ZSWIM6: variants seen among roughly 807,000 people sequenced by gnomAD.
ZSWIM6 encodes zinc finger SWIM domain-containing protein 6.
Under a neutral mutation model 113.2 loss-of-function variants are expected in ZSWIM6, and 9 were observed. The ratio of observed to expected loss-of-function variants is 0.08; its 90% CI spans 0.05 to 0.14. The LOEUF (loss-of-function observed/expected upper bound fraction) is 0.14, where lower values mean the gene tolerates loss of function less well. ZSWIM6 is among the 10% of genes least tolerant of loss of function. The pLI, the probability that ZSWIM6 is intolerant of heterozygous loss-of-function variation, is 1.00. For missense variants in ZSWIM6, 1,162 were observed against 1,552.2 expected (o/e 0.75, Z 4.22); for synonymous variants, 611 against 606.5 (o/e 1.01, Z -0.11).
intron 1 of ZSWIM6, among the ~76,000 whole-genome samples, chr5:61,371,141 AT>A (rs1216493860): frequency 1.3e-5 from 2 of 151,742 alleles, no homozygotes; most frequent in Non-Finnish European, 2.9e-5. Context: ...TCTTTCTATT[AT>A]TTTTTTTCTA....
chr5:61,476,815 C>T (rs1244003656), intron 2 of ZSWIM6, among the ~76,000 whole-genome samples: 1 of 152,104 alleles, frequency 6.6e-6, no homozygotes, highest in East Asian at 1.9e-4. Context: ...GGTATAGAGA[C>T]AGAACACTGA....
intron 1 of ZSWIM6, among the ~76,000 whole-genome samples, chr5:61,469,167 A>G (rs942057001): frequency 2.0e-5 from 3 of 152,216 alleles, no homozygotes; most frequent in African/African-American, 4.8e-5. Flanking sequence ...TGGTGAAGAA[A>G]GGTAACAAAA....
At chr5:61,369,466 A>G (rs549680696) in intron 1 of ZSWIM6, among the ~76,000 whole-genome samples, 1 of 152,354 alleles carries the variant, frequency 6.6e-6, no homozygotes, top group Non-Finnish European at 1.5e-5. Context: ...GTAGTAATGT[A>G]TACTTTATGG....
chr5:61,445,341 A>T (rs139964711), intron 1 of ZSWIM6, among the ~76,000 whole-genome samples: 22 of 152,346 alleles, frequency 1.4e-4, no homozygotes, highest in Middle Eastern at 3.4e-3. Flanking sequence ...CTTTTCAGCT[A>T]TAAAAAGAGC....
intron 1 of ZSWIM6, among the ~76,000 whole-genome samples, chr5:61,364,441 G>GA (rs377645514): frequency 3.3e-4 from 49 of 149,654 alleles, no homozygotes; most frequent in Non-Finnish European, 4.3e-4. Context: ...TTAGTGGTTG[G>GA]AAAAAAAAAT....
chr5:61,360,267 G>A (rs1308032382), intron 1 of ZSWIM6, among the ~76,000 whole-genome samples: 2 of 152,226 alleles, frequency 1.3e-5, no homozygotes, highest in African/African-American at 4.8e-5. Flanking sequence ...TCACCTTGCA[G>A]TCTGTTGACA....
chr5:61,521,556 C>T (rs1197157724), intron 5 of ZSWIM6, 114 bp downstream of exon 5: 4 of 786,568 alleles, frequency 5.1e-6, no homozygotes, highest in Non-Finnish European at 7.2e-6. Context: ...TAAGAACTTA[C>T]AACTCCAGTA....
At chr5:61,430,592 A>T (rs367884068) in intron 1 of ZSWIM6, among the ~76,000 whole-genome samples, 3 of 152,250 alleles carry the variant, frequency 2.0e-5, no homozygotes, top group South Asian at 2.1e-4. Context: ...CCAAATGCAG[A>T]TTGAAAATAC....
chr5:61,400,063 C>A (rs184199349), intron 1 of ZSWIM6, among the ~76,000 whole-genome samples: 2 of 152,202 alleles, frequency 1.3e-5, no homozygotes, highest in East Asian at 3.9e-4. Flanking sequence ...CTTGACAGGT[C>A]GCCATTACAT....
At chr5:61,451,044 C>T (rs1238381527) in intron 1 of ZSWIM6, among the ~76,000 whole-genome samples, 2 of 152,126 alleles carry the variant, frequency 1.3e-5, no homozygotes, top group African/African-American at 2.4e-5. Flanking sequence ...GAAGACTGAC[C>T]ATCTGGCTAG....
chr5:61,358,624 T>G (rs1016964317), intron 1 of ZSWIM6, among the ~76,000 whole-genome samples: 2 of 152,236 alleles, frequency 1.3e-5, no homozygotes, highest in Non-Finnish European at 2.9e-5. Flanking sequence ...TTCCAAATAT[T>G]AAGAAAATTG....
chr5:61,423,276 C>G (rs997444434), intron 1 of ZSWIM6, among the ~76,000 whole-genome samples: 42 of 152,058 alleles, frequency 2.8e-4, no homozygotes, highest in Non-Finnish European at 4.1e-4. Context: ...GACATGGTGG[C>G]GGATGCCTGT....
In ZSWIM6 at chr5:61,546,029, C is replaced by T. The variant is rs990152684; in HGVS notation, c.*1712C>T. 6.6e-6 allele frequency: 1 copy of T among 152,084 alleles called. No homozygotes were observed. The highest frequency in any genetic ancestry group is 1.5e-5 in the Non-Finnish European group (1 of 68,024). The allele number at this position is 152,084 out of a possible 1,614,324, so 9.4% of individuals were successfully genotyped here. ...AAAAAAAAGGTTGTAATTCATCACC[C>T]ATGTAAACATGCTCATGAAGTTGAA... is the stretch of plus-strand genomic sequence containing the variant. On this transcript the variant is annotated 3_prime_UTR_variant, in exon 14 of 14. Coordinates refer to ENST00000252744, the MANE Select transcript of ZSWIM6 (RefSeq NM_020928.2).
rs181240497 is a variant in ZSWIM6 at position 61,524,760 on chromosome 5, T to C, written c.1514-1040T>C. On this transcript the variant is annotated intron_variant, in intron 5 of 13. Coordinates refer to ENST00000252744, the MANE Select transcript of ZSWIM6 (RefSeq NM_020928.2). Reference sequence around the variant, plus strand: ...AGGAAGCTCTAGATTTTGCTTCTCATTTAATTAAGTCTCAGAACAATGAGA... The same window carrying C: ...AGGAAGCTCTAGATTTTGCTTCTCACTTAATTAAGTCTCAGAACAATGAGA... Among the ~76,000 whole-genome samples the C allele has an allele frequency of 2.3e-3, 343 of 152,350 alleles. 1 individual carries two copies. Among genetic ancestry groups the C allele is most frequent in the Non-Finnish European group, 2.6e-3 (179 of 68,032 alleles).
At chr5:61,400,757 A>G (rs1745927156) in intron 1 of ZSWIM6, among the ~76,000 whole-genome samples, 1 of 152,094 alleles carries the variant, frequency 6.6e-6, no homozygotes, top group African/African-American at 2.4e-5. Flanking sequence ...TTGTCTCCTT[A>G]TTATCCTTAC....
At chr5:61,334,359 C>T (rs1744342441) in intron 1 of ZSWIM6, among the ~76,000 whole-genome samples, 2 of 152,184 alleles carry the variant, frequency 1.3e-5, no homozygotes, top group Non-Finnish European at 2.9e-5. Context: ...TATTTTCTGA[C>T]CCCCTCCCAT....
chr5:61,360,910 C>T (rs1029423014), intron 1 of ZSWIM6, among the ~76,000 whole-genome samples: 11 of 152,168 alleles, frequency 7.2e-5, no homozygotes, highest in Admixed American at 4.6e-4. Flanking sequence ...TCTTTCTCTA[C>T]GCATTCCTTA....
chr5:61,483,946 A>AT (rs994618875), intron 2 of ZSWIM6, among the ~76,000 whole-genome samples: 15 of 151,814 alleles, frequency 9.9e-5, no homozygotes, highest in African/African-American at 3.6e-4. Flanking sequence ...AACCTATCCA[A>AT]TTTTAAGGAA....
At chr5:61,358,988 C>G (rs572075459) in intron 1 of ZSWIM6, among the ~76,000 whole-genome samples, 1 of 152,170 alleles carries the variant, frequency 6.6e-6, no homozygotes, top group Non-Finnish European at 1.5e-5. Context: ...TATGGGGAAG[C>G]TCTGCTGTAT....
Sources: allele counts gnomAD v4.1 joint callset (sites outside exome capture counted in the v4.1 genomes callset), GRCh38; gene constraint gnomAD v4.1.1; transcripts MANE v1.5; gene names NCBI Gene and HGNC (gene_info 2026-07-23, HGNC 2026-07-21).